NEDD4L: variants seen among roughly 807,000 people sequenced by gnomAD.
NEDD4L encodes NEDD4 like E3 ubiquitin protein ligase, also known as E3 ubiquitin-protein ligase NEDD4-like.
In NEDD4L, 54 loss-of-function variants were observed where a neutral mutation model predicts 148.9. The ratio of observed to expected loss-of-function variants is 0.36; its 90% confidence interval spans 0.29 to 0.45. The LOEUF is 0.45. NEDD4L is among the 20% of genes least tolerant of loss of function. The pLI, the probability that NEDD4L is intolerant of heterozygous loss-of-function variation, is 1.00. For missense variants in NEDD4L, 856 were observed against 1,233.8 expected (o/e 0.69, Z 4.59); for synonymous variants, 433 against 440.7 (o/e 0.98, Z 0.22).
intron 5 of NEDD4L, among the ~76,000 whole-genome samples, chr18:58,285,044 T>C (rs1489453872): frequency 3.3e-5 from 5 of 152,222 alleles, no homozygotes; most frequent in Non-Finnish European, 7.3e-5. Context: ...TGCATGATTT[T>C]TAAAATTCTG....
chr18:58,163,125 A>G (rs2036429517), intron 1 of NEDD4L, among the ~76,000 whole-genome samples: 1 of 152,062 alleles, frequency 6.6e-6, no homozygotes. Context: ...AGAGTGCAGT[A>G]GCTTTCCACA....
chr18:58,357,873 C>T (rs2044903122), intron 19 of NEDD4L, among the ~76,000 whole-genome samples: 1 of 152,176 alleles, frequency 6.6e-6, no homozygotes, highest in South Asian at 2.1e-4. Context: ...CCTGAAGCAT[C>T]AGGAGACATT....
chr18:58,159,857 GA>G (rs1231110019), intron 1 of NEDD4L, among the ~76,000 whole-genome samples: 6 of 152,190 alleles, frequency 3.9e-5, no homozygotes, highest in East Asian at 1.9e-4. Context: ...GTAAATACAT[GA>G]ATTAATTTAG....
intron 22 of NEDD4L, among the ~76,000 whole-genome samples, chr18:58,369,211 C>T (rs960802970): frequency 1.3e-5 from 2 of 152,118 alleles, no homozygotes; most frequent in Non-Finnish European, 2.9e-5. Flanking sequence ...AGCATTTGAG[C>T]GTTCAAAGGC....
chr18:58,047,674 C>T (rs2081650770), intron 1 of NEDD4L, among the ~76,000 whole-genome samples: 1 of 152,148 alleles, frequency 6.6e-6, no homozygotes. Flanking sequence ...AGATGAAGGA[C>T]TTTTGGTGTT....
chr18:58,190,274 G>A (rs2039965300), intron 2 of NEDD4L, among the ~76,000 whole-genome samples: 1 of 152,142 alleles, frequency 6.6e-6, no homozygotes, highest in Non-Finnish European at 1.5e-5. Flanking sequence ...GAGAGTGTGT[G>A]TGTGTCATAT....
intron 5 of NEDD4L, among the ~76,000 whole-genome samples, chr18:58,309,622 G>A (rs1446540893): frequency 6.6e-6 from 1 of 151,820 alleles, no homozygotes; most frequent in Non-Finnish European, 1.5e-5. Flanking sequence ...GCATCTAGTT[G>A]GCAGAGTCCT....
At chr18:58,292,433 C>G (rs181614583) in intron 5 of NEDD4L, among the ~76,000 whole-genome samples, 11 of 152,286 alleles carry the variant, frequency 7.2e-5, no homozygotes, top group African/African-American at 2.4e-4. Flanking sequence ...ACAGGCTCCC[C>G]TGGGAGGGGT....
At chr18:58,325,379 T>C (rs1034725948) in intron 9 of NEDD4L, among the ~76,000 whole-genome samples, 1 of 152,254 alleles carries the variant, frequency 6.6e-6, no homozygotes, top group African/African-American at 2.4e-5. Context: ...TGCTGCTGTT[T>C]TCAATATGAG....
intron 1 of NEDD4L, among the ~76,000 whole-genome samples, chr18:58,106,690 A>T (rs1391474829): frequency 6.6e-6 from 1 of 152,206 alleles, no homozygotes; most frequent in Non-Finnish European, 1.5e-5. Context: ...GCAGATGATT[A>T]AAAAAATTGT....
intron 2 of NEDD4L, among the ~76,000 whole-genome samples, chr18:58,168,125 T>C (rs2037103909): frequency 6.6e-6 from 1 of 152,220 alleles, no homozygotes; most frequent in Admixed American, 6.5e-5. Context: ...ATAAATCGTA[T>C]TGTGGCCAAG....
chr18:58,218,684 C>T (rs902408668), intron 2 of NEDD4L, among the ~76,000 whole-genome samples: 1 of 152,148 alleles, frequency 6.6e-6, no homozygotes, highest in African/African-American at 2.4e-5. Context: ...ACATCGAATC[C>T]CCCACAACCA....
Position 58,047,579 on chromosome 18 carries a change from G to A in NEDD4L, c.48+2871G>A, listed in dbSNP as rs189991476. 1.3e-3 allele frequency: 1,124 copies of A among 888,994 alleles called. 1 individual carries two copies. The highest frequency in any genetic ancestry group is 1.4e-3 in the Non-Finnish European group (1,071 of 742,078). 55.1% of individuals were successfully genotyped at this position (888,994 alleles called of 1,614,324 possible). On this transcript the variant is annotated intron_variant, in intron 1 of 30. Coordinates refer to ENST00000400345, the MANE Select transcript of NEDD4L (RefSeq NM_001144967.3). Reference sequence around the variant, plus strand: ...CTGTTTAATTTTTTCTGTGTGTTTCGGGCGGAGGTTTCTCTGGTGAGTTAT... The same window carrying A: ...CTGTTTAATTTTTTCTGTGTGTTTCAGGCGGAGGTTTCTCTGGTGAGTTAT...
intron 5 of NEDD4L, among the ~76,000 whole-genome samples, chr18:58,276,852 G>A (rs2052146220): frequency 6.6e-6 from 1 of 152,144 alleles, no homozygotes; most frequent in Non-Finnish European, 1.5e-5. Flanking sequence ...GCATATTGCA[G>A]GGTCTGTAGT....
intron 2 of NEDD4L, among the ~76,000 whole-genome samples, chr18:58,238,357 G>A (rs958134216): frequency 2.6e-5 from 4 of 151,984 alleles, no homozygotes; most frequent in Admixed American, 6.5e-5. Flanking sequence ...GAAATTACAG[G>A]GTTCAGTACC....
chr18:58,310,280 C>T (rs556441882), intron 5 of NEDD4L, among the ~76,000 whole-genome samples: 500 of 152,324 alleles, frequency 3.3e-3, no homozygotes, highest in Middle Eastern at 6.8e-3. Flanking sequence ...GTCTCTAGGA[C>T]ACACCTTACT....
At chr18:58,101,834 TTTTG>T (rs1326213461) in intron 1 of NEDD4L, among the ~76,000 whole-genome samples, 4 of 152,224 alleles carry the variant, frequency 2.6e-5, no homozygotes, top group African/African-American at 9.6e-5. Context: ...GAGAACTTTT[TTTTG>T]TTTAATTGTG....
intron 5 of NEDD4L, among the ~76,000 whole-genome samples, chr18:58,284,623 GGCAA>G (rs1226783106): frequency 6.6e-6 from 1 of 152,040 alleles, no homozygotes; most frequent in African/African-American, 2.4e-5. Flanking sequence ...CAGTCTTATG[GGCAA>G]GCTGATTTTA....
At chr18:58,312,464 G>A (rs185815982) in intron 5 of NEDD4L, among the ~76,000 whole-genome samples, 2 of 152,332 alleles carry the variant, frequency 1.3e-5, no homozygotes, top group African/African-American at 4.8e-5. Flanking sequence ...TTGCACTGTG[G>A]TGGTGATGAC....
Sources: gnomAD v4.1 joint callset for allele counts (sites outside exome capture counted in the v4.1 genomes callset) on GRCh38, gnomAD v4.1.1 for gene constraint, MANE v1.5 for transcripts, NCBI Gene and HGNC (gene_info 2026-07-23, HGNC 2026-07-21) for gene names.